The following PRDM4 variants were observed in gnomAD, a reference collection of about 807,000 sequenced individuals.
The protein encoded by PRDM4 is PR/SET domain 4.
A neutral mutation model predicts 62.3 loss-of-function variants in PRDM4; 38 were observed. That is an observed-to-expected ratio of 0.61 (90% CI 0.47 to 0.80). The LOEUF is 0.80. PRDM4 is among the 30% of genes least tolerant of loss of function. The probability of loss-of-function intolerance (pLI) is 0.00; values close to 1 mark genes in which losing one functional copy is unlikely to be tolerated. For synonymous variants in PRDM4, 339 were observed against 348.2 expected (o/e 0.97, Z 0.30); for missense variants, 858 against 997.1 (o/e 0.86, Z 1.88).
chr12:107,751,540 T>C lies in PRDM4; in HGVS notation c.1001A>G (p.Gln334Arg), dbSNP rs1890894619. The change falls in exon 5 of 12, where the codon CAG becomes CGG. Residue 334 changes from glutamine to arginine, a missense_variant. By Grantham distance (43) the Gln-to-Arg change is conservative (BLOSUM62 1). Transcript: ENST00000228437. ...ATGACCTGTCCCCATAGCAACCTCC[T>C]GGGTGATGGAGGAGACAGCCACAGG... ...LEPVAVSSIT[Q>R]EVAMGTGHVD... 6.2e-7 allele frequency: 1 copy of C among 1,612,148 alleles called. No individual in the cohort carries two copies. Among genetic ancestry groups the C allele is most frequent in the Non-Finnish European group, 8.5e-7 (1 of 1,178,188 alleles).
In PRDM4 at chr12:107,760,551, G is replaced by A; in HGVS notation, c.-36C>T. 6.2e-7 allele frequency: 1 copy of A among 1,611,856 alleles called. No individual in the cohort carries two copies. The highest frequency in any genetic ancestry group is 1.7e-5 in the Admixed American group (1 of 59,730). On this transcript the variant is annotated 5_prime_UTR_variant, in exon 2 of 12. Transcript: ENST00000228437. ...CCAAATATCAGAGAAAGGAGCGCTCGGGTGGTGGGGAACAGGCATCAGGGT... is the reference window on the plus strand; with the variant it reads ...CCAAATATCAGAGAAAGGAGCGCTCAGGTGGTGGGGAACAGGCATCAGGGT...
Position 107,751,688 on chromosome 12 carries a change from G to A in PRDM4, c.853C>T (p.Leu285Phe). ...SRVNGMSDSA[L>F]SDSIHTVAMS... Reference sequence around the variant, plus strand: ...GCCACAGTGTGAATGGAGTCACTGAGGGCACTGTCAGACATGCCATTGACC... The same window carrying A: ...GCCACAGTGTGAATGGAGTCACTGAAGGCACTGTCAGACATGCCATTGACC... The change falls in exon 5 of 12, where the codon CTC becomes TTC. Residue 285 changes from leucine (L) to phenylalanine (F), a missense_variant. Physicochemically the swap from Leu to Phe is conservative, Grantham distance 22. Around this residue, in one of 3 missense-constraint regions of PRDM4, gnomAD observed 499 missense variants for 546.7 expected, o/e 0.91. Transcript: ENST00000228437. 2 of 1,614,176 alleles carry A rather than the reference G, an allele frequency of 1.2e-6. No homozygotes were observed. The highest frequency in any genetic ancestry group is 1.7e-6 in the Non-Finnish European group (2 of 1,180,034).
chr12:107,755,559 A>G (rs1221146189), intron 3 of PRDM4, among the ~76,000 whole-genome samples: 1 of 152,188 alleles, frequency 6.6e-6, no homozygotes, highest in Non-Finnish European at 1.5e-5. Flanking sequence ...ATCTTATTTA[A>G]CTGCTGCATT....
At chr12:107,741,970 G>A (rs895506179) in intron 9 of PRDM4, among the ~76,000 whole-genome samples, 1 of 152,080 alleles carries the variant, frequency 6.6e-6, no homozygotes. Context: ...GTAGCCTAAG[G>A]AACTTCAATG....
At chr12:107,748,163 G>GAGCC in intron 5 of PRDM4, among the ~76,000 whole-genome samples, 1 of 152,130 alleles carries the variant, frequency 6.6e-6, no homozygotes, top group East Asian at 1.9e-4. Context: ...CTGGGTGACA[G>GAGCC]AGCCAGACTC....
chr12:107,741,284 A>G, intron 9 of PRDM4, 24 bp from the exon 10 acceptor site: 1 of 1,579,458 alleles, frequency 6.3e-7, no homozygotes, highest in Non-Finnish European at 8.7e-7. Flanking sequence ...ATTACTCATT[A>G]TCTCCCAATA....
chr12:107,751,629 A>G lies in PRDM4; in HGVS notation c.912T>C (p.Ser304=). The change falls in exon 5 of 12, where the codon TCT becomes TCC. Residue 304 remains serine (S), a synonymous_variant. Coordinates refer to ENST00000228437, the MANE Select transcript of PRDM4 (RefSeq NM_012406.4). ...MSTNSVSVAL[S]TSHNLASLES... is the part of the protein sequence containing the mutation. ...CTAGGGAGGCAAGGTTGTGTGAGGT[A>G]GAGAGTGCCACGCTTACAGAGTTGG... The G allele has an allele frequency of 6.2e-7, 1 of 1,613,998 alleles. No individual in the cohort carries two copies. The highest frequency in any genetic ancestry group is 1.3e-5 in the African/African-American group (1 of 75,046).
Position 107,734,254 on chromosome 12 carries a change from T to A in PRDM4, c.2362A>T (p.Ser788Cys). ...GACTCATCCGCTGAATACACAGCAC[T>A]GTTAATCCTACAGTCTTCTGTCCCC... ...SVGTEDCRIN[S>C]AVYSADESLS... The change falls in exon 12 of 12, where the codon AGT becomes TGT. Residue 788 changes from serine to cysteine, a missense_variant. Ser to Cys is a moderately radical substitution (Grantham distance 112, BLOSUM62 -1). Transcript: ENST00000228437. 1 of 1,614,204 alleles carries A rather than the reference T, an allele frequency of 6.2e-7. No homozygotes were observed. The highest frequency in any genetic ancestry group is 8.5e-7 in the Non-Finnish European group (1 of 1,180,022).
intron 6 of PRDM4, 113 bp from the exon 7 acceptor site, chr12:107,744,774 T>G: frequency 7.0e-7 from 1 of 1,431,946 alleles, no homozygotes; most frequent in Non-Finnish European, 9.4e-7. Flanking sequence ...TTAACCAATA[T>G]GTAGGCTGGG....
chr12:107,752,018 C>A lies in PRDM4; in HGVS notation c.523G>T (p.Ala175Ser). 1 of 1,614,138 alleles carries A rather than the reference C, an allele frequency of 6.2e-7. No individual in the cohort carries two copies. The highest frequency in any genetic ancestry group is 1.1e-5 in the South Asian group (1 of 91,072). The change falls in exon 5 of 12, where the codon GCC becomes TCC. Residue 175 changes from alanine to serine, a missense_variant. By Grantham distance (99) the Ala-to-Ser change is moderately conservative. Around this residue, in one of 3 missense-constraint regions of PRDM4, gnomAD observed 499 missense variants for 546.7 expected, o/e 0.91. Coordinates refer to ENST00000228437, the MANE Select transcript of PRDM4 (RefSeq NM_012406.4). ...CCATCACTGGGATGAAGACTTTGGG[C>A]ACCATGTGTGTTCACAGAGCGAGAG... ...IDSRSVNTHG[A>S]QSLHPSDGHE...
chr12:107,743,196 C>G lies in PRDM4; in HGVS notation c.1481+1G>C. On this transcript the variant is annotated splice_donor_variant, in intron 8 of 11. Coordinates refer to ENST00000228437, the MANE Select transcript of PRDM4 (RefSeq NM_012406.4). LOFTEE classifies it high-confidence loss of function. ...TTTTTCTCATCCAAGACTACTCATA[C>G]CTGGCTTTGCGCACAAACATCATCC... is the stretch of plus-strand genomic sequence containing the variant. 1 of 1,603,542 alleles carries G rather than the reference C, an allele frequency of 6.2e-7. No homozygotes were observed.
chr12:107,737,408 A>AG (rs1282533570), intron 11 of PRDM4, among the ~76,000 whole-genome samples: 8 of 152,204 alleles, frequency 5.3e-5, no homozygotes, highest in Admixed American at 2.0e-4. Flanking sequence ...GACTTATACC[A>AG]GCTTTAAGTT....
At position 107,751,430 on chromosome 12, in the gene PRDM4, T is replaced by C. The variant is rs1486521879; in HGVS notation, c.1111A>G (p.Thr371Ala). The C allele has an allele frequency of 1.9e-6, 3 of 1,602,748 alleles. No homozygotes were observed. The highest frequency in any genetic ancestry group is 1.7e-6 in the Non-Finnish European group (2 of 1,170,338). Reference sequence around the variant, plus strand: ...ACACACTCACAAATTGTAAACAAGGTTGCCATGTTCTCCTTGTTTGAATTG... The same window carrying C: ...ACACACTCACAAATTGTAAACAAGGCTGCCATGTTCTCCTTGTTTGAATTG... ...DSNSNKENMA[T>A]LFTIWCTLCD... Residue 371 changes from threonine (T) to alanine (A), a missense_variant, in exon 5 of 12, where the codon ACC becomes GCC. Physicochemically the swap from Thr to Ala is moderately conservative, Grantham distance 58 (BLOSUM62 0). Around this residue, in one of 3 missense-constraint regions of PRDM4, gnomAD observed 499 missense variants for 546.7 expected, o/e 0.91. Coordinates refer to ENST00000228437, the MANE Select transcript of PRDM4 (RefSeq NM_012406.4).
Position 107,739,544 on chromosome 12 carries a change from C to T in PRDM4, c.1932G>A (p.Lys644=). ...RTHLKIHTGQ[K]NYRCTLCDKS... The stretch of plus-strand genomic sequence containing the variant: ...TGTCACACAAGGTACACCTGTAGTT[C>T]TTCTGACCTGCAATCAGCCCAAAGT... Residue 644 remains lysine, a synonymous_variant, in exon 11 of 12, where the codon AAG becomes AAA. Transcript: ENST00000228437. The T allele has an allele frequency of 1.2e-6, 2 of 1,613,066 alleles. No individual in the cohort carries two copies. Among genetic ancestry groups the T allele is most frequent in the Non-Finnish European group, 1.7e-6 (2 of 1,179,412 alleles).
At chr12:107,757,581 C>T (rs2136335586) in intron 2 of PRDM4, among the ~76,000 whole-genome samples, 1 of 152,316 alleles carries the variant, frequency 6.6e-6, no homozygotes, top group Middle Eastern at 3.4e-3. Flanking sequence ...AATCCTCACA[C>T]CAATACTGCA....
At chr12:107,746,161 C>T in intron 6 of PRDM4, 114 bp downstream of exon 6, 2 of 1,273,962 alleles carry the variant, frequency 1.6e-6, no homozygotes, top group South Asian at 1.4e-5. Context: ...AATCTTAAGC[C>T]ATAAATTGAC....
intron 8 of PRDM4, chr12:107,742,651 C>T (rs548302740): frequency 4.4e-5 from 14 of 319,598 alleles, no homozygotes; most frequent in Non-Finnish European, 6.3e-5. Flanking sequence ...ATAGAGCTAG[C>T]TAGCTAAACA....
At position 107,736,299 on chromosome 12, in the gene PRDM4, G is replaced by C. The variant is rs541818994; in HGVS notation, c.2094-1777C>G. Among the ~76,000 whole-genome samples the C allele has an allele frequency of 2.6e-5, 4 of 152,322 alleles. 1 individual carries two copies. Among genetic ancestry groups the C allele is most frequent in the South Asian group, 2.1e-4 (1 of 4,830 alleles). On this transcript the variant is annotated intron_variant, in intron 11 of 11. Coordinates refer to ENST00000228437, the MANE Select transcript of PRDM4 (RefSeq NM_012406.4). The stretch of plus-strand genomic sequence containing the variant: ...AAGACTACGAAAACACACGAAGCCA[G>C]GTAAAAGTGAAGGGGTCCTATTTTA...
At chr12:107,743,934 G>A (rs1424406707) in intron 7 of PRDM4, among the ~76,000 whole-genome samples, 1 of 151,980 alleles carries the variant, frequency 6.6e-6, no homozygotes, top group Non-Finnish European at 1.5e-5. Context: ...GGCCAACATG[G>A]GGAAACCCCG....
Sources: gnomAD v4.1 joint callset for allele counts (sites outside exome capture counted in the v4.1 genomes callset) on GRCh38, gnomAD v4.1.1 for gene constraint, gnomAD v4.1.1 regional missense constraint, MANE v1.5 for transcripts, NCBI Gene and HGNC (gene_info 2026-07-23, HGNC 2026-07-21) for gene names.